Variants in PBX1 observed in about 807,000 individuals in gnomAD.
The protein encoded by PBX1 is pre-B-cell leukemia transcription factor 1.
Under a neutral mutation model 53.4 loss-of-function variants are expected in PBX1, and 6 were observed. The ratio of observed to expected loss-of-function variants is 0.11; its 90% CI spans 0.06 to 0.22. The LOEUF (loss-of-function observed/expected upper bound fraction) is 0.22. PBX1 is among the 10% of genes least tolerant of loss of function. The pLI is 1.00. For missense variants in PBX1, 251 were observed against 551.4 expected (o/e 0.46, Z 5.46); for synonymous variants, 204 against 212.3 (o/e 0.96, Z 0.34).
chr1:164,852,340 C>G (rs1271395862), downstream of PBX1, among the ~76,000 whole-genome samples: 1 of 152,222 alleles, frequency 6.6e-6, no homozygotes, highest in African/African-American at 2.4e-5. Flanking sequence ...ATGTGCATCT[C>G]TACCATCTGT....
chr1:164,673,312 G>C (rs1469563238), intron 2 of PBX1, among the ~76,000 whole-genome samples: 2 of 152,140 alleles, frequency 1.3e-5, no homozygotes, highest in Admixed American at 1.3e-4. Context: ...TCCCCAGAAA[G>C]GGTTGGAGTG....
rs138994779 is a variant in PBX1, at chr1:164,693,211, T to C, written c.266-99283T>C. 3.9e-3 allele frequency among the ~76,000 whole-genome samples: 598 copies of C among 152,358 alleles called. 5 individuals are homozygous for C. The highest frequency in any genetic ancestry group is 0.014 in the African/African-American group (581 of 41,590). On this transcript the variant is annotated intron_variant, in intron 2 of 8. Coordinates refer to ENST00000420696, the MANE Select transcript of PBX1 (RefSeq NM_002585.4). ...TTGGATGTACAAGATGAGCTGTCTC[T>C]GAACTGGCCCTGTGGTTCATGCTCG...
intron 2 of PBX1, among the ~76,000 whole-genome samples, chr1:164,742,004 G>A (rs749956880): frequency 8.6e-5 from 13 of 151,830 alleles, no homozygotes; most frequent in African/African-American, 2.7e-4. Flanking sequence ...GCTGAGAGTC[G>A]TAGTTTTCAT....
intron 2 of PBX1, among the ~76,000 whole-genome samples, chr1:164,583,458 C>T (rs1034480340): frequency 1.3e-5 from 2 of 151,980 alleles, no homozygotes; most frequent in East Asian, 3.9e-4. Context: ...GGAGTGGGGC[C>T]CCTCTTTTAG....
intron 8 of PBX1, among the ~76,000 whole-genome samples, chr1:164,826,243 CTTCTA>C (rs1450782817): frequency 6.6e-6 from 1 of 152,130 alleles, no homozygotes; most frequent in Non-Finnish European, 1.5e-5. Flanking sequence ...GAGTTAGTAA[CTTCTA>C]TTCTTTCTAG....
intron 2 of PBX1, among the ~76,000 whole-genome samples, chr1:164,563,625 T>G (rs1412221809): frequency 6.6e-6 from 1 of 152,188 alleles, no homozygotes; most frequent in Admixed American, 6.5e-5. Flanking sequence ...AATATGAAAG[T>G]AAAAGTTCAT....
At chr1:164,653,235 T>A (rs1036385526) in intron 2 of PBX1, among the ~76,000 whole-genome samples, 2 of 152,196 alleles carry the variant, frequency 1.3e-5, no homozygotes, top group African/African-American at 4.8e-5. Context: ...CTTATCACAC[T>A]GTTTCTTGAG....
intron 2 of PBX1, among the ~76,000 whole-genome samples, chr1:164,866,505 A>G (rs2102448466): frequency 6.6e-6 from 1 of 152,356 alleles, no homozygotes; most frequent in South Asian, 2.1e-4. Context: ...CCATCCTTGA[A>G]TGACATTCTC....
At chr1:164,612,396 G>C (rs1445187071) in intron 2 of PBX1, among the ~76,000 whole-genome samples, 1 of 149,720 alleles carries the variant, frequency 6.7e-6, no homozygotes, top group Non-Finnish European at 1.5e-5. Flanking sequence ...AAGGGGGATG[G>C]GGGGACTTCT....
chr1:164,779,050 T>C (rs1471190869), intron 2 of PBX1, among the ~76,000 whole-genome samples: 1 of 151,792 alleles, frequency 6.6e-6, no homozygotes, highest in Non-Finnish European at 1.5e-5. Context: ...TAATTTTTTT[T>C]TTTTTTTTTT....
chr1:164,867,901 T>C (rs1672257992), intron 2 of PBX1, among the ~76,000 whole-genome samples: 1 of 152,262 alleles, frequency 6.6e-6, no homozygotes, highest in Admixed American at 6.5e-5. Flanking sequence ...ATCCCTTCAG[T>C]AACAGCCCAG....
chr1:164,863,312 G>A (rs1045205244), intron 2 of PBX1, among the ~76,000 whole-genome samples: 11 of 152,220 alleles, frequency 7.2e-5, no homozygotes, highest in African/African-American at 2.2e-4. Flanking sequence ...ACGTGCTGAG[G>A]TGGGGGCTCA....
At chr1:164,653,245 G>T (rs1273869779) in intron 2 of PBX1, among the ~76,000 whole-genome samples, 2 of 151,814 alleles carry the variant, frequency 1.3e-5, no homozygotes, top group Non-Finnish European at 2.9e-5. Flanking sequence ...TGTTTCTTGA[G>T]ATTTATCTGT....
chr1:164,828,861 G>A (rs1224653687), intron 8 of PBX1: 1 of 152,124 alleles, frequency 6.6e-6, no homozygotes, highest in East Asian at 1.9e-4. Context: ...CATGTTCTTA[G>A]ACAAGCTTGT....
intron 2 of PBX1, among the ~76,000 whole-genome samples, chr1:164,584,390 A>C (rs982698329): frequency 2.6e-5 from 4 of 152,008 alleles, no homozygotes; most frequent in Non-Finnish European, 5.9e-5. Context: ...AGAGATCTAA[A>C]AGTAGTATTG....
intron 2 of PBX1, among the ~76,000 whole-genome samples, chr1:164,735,949 GAGCA>G (rs1665245960): frequency 6.6e-6 from 1 of 152,168 alleles, no homozygotes; most frequent in African/African-American, 2.4e-5. Flanking sequence ...CCGGCACAAA[GAGCA>G]AGCAGTTTGT....
intron 2 of PBX1, among the ~76,000 whole-genome samples, chr1:164,755,998 G>GAAAAA (rs370503258): frequency 8.0e-6 from 1 of 125,022 alleles, no homozygotes; most frequent in Non-Finnish European, 1.6e-5. Flanking sequence ...CCCGATTCAG[G>GAAAAA]AAAAAAAAAA....
intron 2 of PBX1, among the ~76,000 whole-genome samples, chr1:164,711,057 C>A (rs184035403): frequency 6.6e-6 from 1 of 152,078 alleles, no homozygotes; most frequent in Non-Finnish European, 1.5e-5. Flanking sequence ...TGCTGTCAAC[C>A]CTTTCTCTTT....
intron 2 of PBX1, among the ~76,000 whole-genome samples, chr1:164,666,181 G>C (rs1481406394): frequency 6.6e-6 from 1 of 152,090 alleles, no homozygotes; most frequent in Non-Finnish European, 1.5e-5. Flanking sequence ...AATACTCTTG[G>C]GGTGACTGTC....
Sources: allele counts gnomAD v4.1 joint callset (sites outside exome capture counted in the v4.1 genomes callset), GRCh38; gene constraint gnomAD v4.1.1; transcripts MANE v1.5; gene names NCBI Gene and HGNC (gene_info 2026-07-23, HGNC 2026-07-21).